Variants in TMOD2 observed in about 807,000 individuals in gnomAD.
The protein encoded by TMOD2 is tropomodulin 2.
Under a neutral mutation model 39.9 loss-of-function variants are expected in TMOD2, and 22 were observed. The observed-to-expected ratio is 0.55, with a 90% CI of 0.39 to 0.79. The LOEUF is 0.79. Ranked by LOEUF, TMOD2 falls within the 30% of genes least tolerant of loss-of-function variation. The pLI is 0.00. For synonymous variants in TMOD2, 123 were observed against 146.1 expected (o/e 0.84, Z 1.14); for missense variants, 386 against 413.3 (o/e 0.93, Z 0.57).
intron 7 of TMOD2, among the ~76,000 whole-genome samples, chr15:51,790,836 G>A (rs906912791): frequency 3.3e-5 from 5 of 152,090 alleles, no homozygotes; most frequent in Non-Finnish European, 7.4e-5. Flanking sequence ...AATCAACTAG[G>A]TATTGACGGA....
chr15:51,791,316 G>T (rs1357509678), intron 7 of TMOD2, among the ~76,000 whole-genome samples: 3 of 152,108 alleles, frequency 2.0e-5, no homozygotes, highest in Non-Finnish European at 4.4e-5. Flanking sequence ...ACCTCTTTAA[G>T]GAGAGCTACA....
Position 51,806,360 on chromosome 15 carries a change from T to G in TMOD2, c.877-17T>G. ...CCTTCTTGGTCATCCTGTGCATGTG[T>G]CTGCACCTGCAACCAGAGGCAGCAG... is the stretch of plus-strand genomic sequence containing the variant. On this transcript the variant is annotated splice_polypyrimidine_tract_variant and intron_variant, in intron 8 of 9. Coordinates refer to ENST00000249700, the MANE Select transcript of TMOD2 (RefSeq NM_014548.4). 1 of 1,614,010 alleles carries G rather than the reference T, an allele frequency of 6.2e-7. No homozygotes were observed. The highest frequency in any genetic ancestry group is 8.5e-7 in the Non-Finnish European group (1 of 1,179,866).
intron 1 of TMOD2, among the ~76,000 whole-genome samples, chr15:51,757,401 C>CAAAAA (rs3078133): frequency 2.4e-5 from 2 of 81,904 alleles, no homozygotes; most frequent in Admixed American, 1.4e-4. Flanking sequence ...GACTCCGTCT[C>CAAAAA]AAAAAAAAAA....
chr15:51,766,656 A>T, intron 2 of TMOD2, 89 bp downstream of exon 2: 1 of 1,380,530 alleles, frequency 7.2e-7, no homozygotes, highest in Non-Finnish European at 9.9e-7. Flanking sequence ...GAAATCCCTT[A>T]GCTCGGAATG....
Position 51,791,481 on chromosome 15 carries a change from T to C in TMOD2, c.733-6716T>C, listed in dbSNP as rs950713378. Among the ~76,000 whole-genome samples the C allele has an allele frequency of 1.3e-5, 2 of 152,226 alleles. 1 individual carries two copies. The highest frequency in any genetic ancestry group is 4.8e-5 in the African/African-American group (2 of 41,466). On this transcript the variant is annotated intron_variant, in intron 7 of 9. Transcript: ENST00000249700. ...ATCCCCATCCAGCTACTGCTGACTT[T>C]CTTCACAGAATTGGAAAAAACTACT... is the stretch of plus-strand genomic sequence containing the variant.
At chr15:51,788,314 G>A (rs2055985060) in intron 7 of TMOD2, among the ~76,000 whole-genome samples, 2 of 152,312 alleles carry the variant, frequency 1.3e-5, no homozygotes, top group South Asian at 4.1e-4. Flanking sequence ...CAGAGGACAA[G>A]ATTAGAGAAA....
chr15:51,761,570 G>C (rs1010648955), intron 1 of TMOD2, among the ~76,000 whole-genome samples: 44 of 150,286 alleles, frequency 2.9e-4, no homozygotes, highest in South Asian at 4.2e-4. Context: ...CTGCAAAAAA[G>C]AAAAAAAAAT....
chr15:51,796,477 A>G (rs572319678), intron 7 of TMOD2, among the ~76,000 whole-genome samples: 5 of 152,154 alleles, frequency 3.3e-5, no homozygotes, highest in South Asian at 4.2e-4. Context: ...AGTTAGGAGG[A>G]CTTCATTCTG....
chr15:51,798,376 C>T lies in TMOD2; in HGVS notation c.876+36C>T, dbSNP rs377509817. 3.1e-6 allele frequency: 5 copies of T among 1,605,066 alleles called. No homozygotes were observed. In the East Asian group the frequency reaches 6.7e-5, roughly 22 times the overall value. On this transcript the variant is annotated intron_variant, in intron 8 of 9. Transcript: ENST00000249700. Reference sequence around the variant, plus strand: ...CCAGAGAATAGGCAAAGTCAACTCACAGGGTGTGCAGTGAGCGGGGGAAAT... The same window carrying T: ...CCAGAGAATAGGCAAAGTCAACTCATAGGGTGTGCAGTGAGCGGGGGAAAT...
chr15:51,802,090 A>G (rs1403021384), intron 8 of TMOD2, among the ~76,000 whole-genome samples: 1 of 151,978 alleles, frequency 6.6e-6, no homozygotes, highest in African/African-American at 2.4e-5. Context: ...ATCCAAAAAA[A>G]GATGCAGGCT....
Position 51,801,229 on chromosome 15 carries a change from T to TCACA in TMOD2, c.876+2890_876+2891insACAC, listed in dbSNP as rs1391987137. On this transcript the variant is annotated intron_variant, in intron 8 of 9. Transcript: ENST00000249700. Reference sequence around the variant, plus strand: ...TTCATTCTCTCTCCCTCTCTCTCTCTCTCTCTCTCACACACACACACACAC... The same window carrying TCACA: ...TTCATTCTCTCTCCCTCTCTCTCTCTCACACTCTCTCTCACACACACACACACAC... Among the ~76,000 whole-genome samples the TCACA allele has an allele frequency of 7.4e-3, 727 of 98,390 alleles. 5 individuals carry two copies. The highest frequency in any genetic ancestry group is 9.8e-3 in the African/African-American group (206 of 21,026). 64.5% of individuals were successfully genotyped at this position (98,390 alleles called of 152,430 possible).
intron 6 of TMOD2, 28 bp downstream of exon 6, chr15:51,781,202 G>T (rs139369421): frequency 2.5e-6 from 4 of 1,574,068 alleles, no homozygotes; most frequent in East Asian, 4.5e-5. Context: ...TCATCAGTCA[G>T]TTAATTTATC....
intron 8 of TMOD2, among the ~76,000 whole-genome samples, chr15:51,803,497 G>A (rs1027143166): frequency 2.0e-5 from 3 of 152,006 alleles, no homozygotes; most frequent in African/African-American, 7.2e-5. Context: ...TCATTCTTAT[G>A]TTAAAATTCA....
rs200424494 is a variant in TMOD2, at chr15:51,766,481, A to G, written c.40A>G (p.Asn14Asp). Residue 14 changes from asparagine (N) to aspartate (D), a missense_variant, in exon 2 of 10, where the codon AAC (asparagine) becomes GAC (aspartate). By Grantham distance (23) the Asn-to-Asp change is conservative. Coordinates refer to ENST00000249700, the MANE Select transcript of TMOD2 (RefSeq NM_014548.4). ...TCAAAAAGAGCTGGAGAAATACAAG[A>G]ACATTGATGAAGATGAGCTTCTTGG... is the stretch of plus-strand genomic sequence containing the variant. ...PFQKELEKYKNIDEDELLGKL... is the reference protein window; with the variant it reads ...PFQKELEKYKDIDEDELLGKL... 2.4e-5 allele frequency: 38 copies of G among 1,614,122 alleles called. No individual in the cohort carries two copies. The Admixed American group carries it at 5.0e-4, about 21-fold the overall frequency.
rs1555463072 is a variant in TMOD2 at position 51,801,275 on chromosome 15, A to ACACACG, written c.876+2940_876+2941insGCACAC. Among the ~76,000 whole-genome samples, 506 of 140,894 alleles carry ACACACG rather than the reference A, an allele frequency of 3.6e-3. 3 individuals are homozygous for ACACACG. The highest frequency in any genetic ancestry group is 0.013 in the African/African-American group (481 of 37,702). 92.4% of individuals were successfully genotyped at this position (140,894 alleles called of 152,430 possible). On this transcript the variant is annotated intron_variant, in intron 8 of 9. Coordinates refer to ENST00000249700, the MANE Select transcript of TMOD2 (RefSeq NM_014548.4). ...CACACACACACACACACACACACAC[A>ACACACG]CACACACACCCTGTCTCTCTCTCTC...
chr15:51,769,461 C>A (rs2141618978), intron 3 of TMOD2, among the ~76,000 whole-genome samples: 1 of 152,312 alleles, frequency 6.6e-6, no homozygotes, highest in Middle Eastern at 3.4e-3. Context: ...GCAAATAAGA[C>A]CCTGCCCTGC....
intron 1 of TMOD2, among the ~76,000 whole-genome samples, chr15:51,759,971 C>T (rs113064522): frequency 1.2e-4 from 19 of 152,308 alleles, no homozygotes; most frequent in African/African-American, 4.1e-4. Flanking sequence ...CTCCCCTGCT[C>T]TCCAGTTTCC....
At chr15:51,795,827 T>A (rs2056047577) in intron 7 of TMOD2, among the ~76,000 whole-genome samples, 1 of 152,026 alleles carries the variant, frequency 6.6e-6, no homozygotes, top group Non-Finnish European at 1.5e-5. Context: ...TGTCTATTAT[T>A]TTCTTTTATT....
At chr15:51,797,086 G>T (rs1275388955) in intron 7 of TMOD2, among the ~76,000 whole-genome samples, 1 of 152,180 alleles carries the variant, frequency 6.6e-6, no homozygotes, top group Non-Finnish European at 1.5e-5. Flanking sequence ...TTTATTTCTG[G>T]GGTTGTCCAT....
Sources: gnomAD v4.1 joint callset for allele counts (sites outside exome capture counted in the v4.1 genomes callset) on GRCh38, gnomAD v4.1.1 for gene constraint, MANE v1.5 for transcripts, NCBI Gene and HGNC (gene_info 2026-07-23, HGNC 2026-07-21) for gene names.